Variants in BCL9L observed in about 807,000 individuals in gnomAD.
BCL9L encodes the protein BCL9 like, also known as B-cell CLL/lymphoma 9-like protein.
Under a neutral mutation model 99.4 loss-of-function variants are expected in BCL9L, and 19 were observed. The observed-to-expected ratio is 0.19, with a 90% CI of 0.13 to 0.28. The LOEUF (loss-of-function observed/expected upper bound fraction) is 0.28, where lower values mean the gene tolerates loss of function less well. BCL9L is among the 10% of genes least tolerant of loss of function. The probability of loss-of-function intolerance (pLI) is 1.00; values close to 1 mark genes in which losing one functional copy is unlikely to be tolerated. For missense variants in BCL9L, 2,023 were observed against 2,101.6 expected, an observed-to-expected ratio of 0.96 and a Z score of 0.73; for synonymous variants, 900 against 854.8, an observed-to-expected ratio of 1.05 and a Z score of -0.92.
intron 4 of BCL9L, among the ~76,000 whole-genome samples, chr11:118,907,983 C>T (rs551909103): frequency 6.6e-6 from 1 of 152,204 alleles, no homozygotes; most frequent in Non-Finnish European, 1.5e-5. Flanking sequence ...CTGCTCCTCA[C>T]TCCATGGCAC....
At chr11:118,912,583 G>C (rs2134428579) in intron 2 of BCL9L, among the ~76,000 whole-genome samples, 1 of 152,252 alleles carries the variant, frequency 6.6e-6, no homozygotes, top group Non-Finnish European at 1.5e-5. Context: ...GCTGAGGAAG[G>C]CTCAGATGCC....
At chr11:118,908,202 T>A in intron 4 of BCL9L, 68 bp downstream of exon 4, 1 of 1,501,114 alleles carries the variant, frequency 6.7e-7, no homozygotes, top group Non-Finnish European at 8.9e-7. Flanking sequence ...AGAGAGGTGA[T>A]CTCCCAGAAC....
chr11:118,918,320 T>C (rs1481565246), intron 2 of BCL9L, among the ~76,000 whole-genome samples: 1 of 152,048 alleles, frequency 6.6e-6, no homozygotes, highest in Non-Finnish European at 1.5e-5. Flanking sequence ...CACGCACGCA[T>C]GTGTACGCTA....
chr11:118,920,846 A>G (rs1160096161), intron 1 of BCL9L, among the ~76,000 whole-genome samples: 1 of 152,200 alleles, frequency 6.6e-6, no homozygotes, highest in Non-Finnish European at 1.5e-5. Context: ...GCCCCACTCC[A>G]GGAAACTTCC....
chr11:118,919,674 C>T (rs1941088488), intron 1 of BCL9L, among the ~76,000 whole-genome samples: 1 of 152,116 alleles, frequency 6.6e-6, no homozygotes, highest in Admixed American at 6.5e-5. Context: ...CCAGACTTAA[C>T]CCTCTCCAGC....
chr11:118,897,917 A>C lies in BCL9L; in HGVS notation c.*498T>G. On this transcript the variant is annotated 3_prime_UTR_variant, in exon 10 of 10. Transcript: ENST00000683865. Reference sequence around the variant, plus strand: ...AGAGGGGTCAGCCACATCAGCAGGGAAAGGATACGAAGCAGGTAAAGACAG... The same window carrying C: ...AGAGGGGTCAGCCACATCAGCAGGGCAAGGATACGAAGCAGGTAAAGACAG... 1 of 452,578 alleles carries C rather than the reference A, an allele frequency of 2.2e-6. No homozygotes were observed. The highest frequency in any genetic ancestry group is 4.4e-6 in the Non-Finnish European group (1 of 226,794). The allele number at this position is 452,578 out of a possible 1,614,324, so 28.0% of individuals were successfully genotyped here. A position where few individuals can be genotyped will look rare whatever the true frequency, so the allele number is the denominator to read the frequency against.
In BCL9L at chr11:118,908,681, A is replaced by G. The variant is rs771669116; in HGVS notation, c.27-26T>C. On this transcript the variant is annotated intron_variant, in intron 3 of 9. Transcript: ENST00000683865. Reference sequence around the variant, plus strand: ...CTGGGAGGAGGTGGGAGAAATGTGAAAAGTTAACCTTGCTAGGGGCTAGGC... The same window carrying G: ...CTGGGAGGAGGTGGGAGAAATGTGAGAAGTTAACCTTGCTAGGGGCTAGGC... 3 of 1,587,136 alleles carry G rather than the reference A, an allele frequency of 1.9e-6. No homozygotes were observed. The South Asian group carries it at 3.4e-5, about 18-fold the overall frequency.
At chr11:118,915,796 T>C (rs1231896709) in intron 2 of BCL9L, among the ~76,000 whole-genome samples, 1 of 152,168 alleles carries the variant, frequency 6.6e-6, no homozygotes, top group Non-Finnish European at 1.5e-5. Flanking sequence ...AGGAAGGGTC[T>C]GGGAGAGAAA....
At position 118,898,674 on chromosome 11, in the gene BCL9L, T is replaced by C. The variant is rs371667813; in HGVS notation, c.4241A>G (p.His1414Arg). 6 of 1,611,176 alleles carry C rather than the reference T, an allele frequency of 3.7e-6. No individual in the cohort carries two copies. The African/African-American group carries it at 4.0e-5, about 11-fold the overall frequency. ...GVPPQQGMVPHGLHQGVMSPP... is the reference protein window; with the variant it reads ...GVPPQQGMVPRGLHQGVMSPP... ...GGACATGACCCCCTGGTGCAGGCCA[T>C]GGGGCACCATCCCCTGCTGTGGGGG... The change falls in exon 10 of 10, where the codon CAT becomes CGT. Residue 1414 changes from histidine (H) to arginine (R), a missense_variant. His to Arg is a conservative substitution (Grantham distance 29). This residue lies in a region of BCL9L where 902 missense variants were observed against 888.2 expected (regional missense o/e 1.02). Coordinates refer to ENST00000683865, the MANE Select transcript of BCL9L (RefSeq NM_001378213.1).
chr11:118,902,294 C>G lies in BCL9L; in HGVS notation c.1449G>C (p.Pro483=). Residue 483 remains proline, a synonymous_variant, in exon 8 of 10, where the codon CCG becomes CCC. Coordinates refer to ENST00000683865, the MANE Select transcript of BCL9L (RefSeq NM_001378213.1). The surrounding 1 kb of genome is among the most constrained non-coding windows in gnomAD (Gnocchi z 7.8). ...ISQTQSLGGP[P]LEHEVPGHPP... is the part of the protein sequence containing the mutation. ...GGTGCCCAGGCACTTCATGCTCCAG[C>G]GGGGGGCCCCCTAGGCTCTGTGTCT... 1.9e-6 allele frequency: 3 copies of G among 1,556,824 alleles called. No homozygotes were observed. Among genetic ancestry groups the G allele is most frequent in the Non-Finnish European group, 2.6e-6 (3 of 1,147,458 alleles).
chr11:118,898,658 C>T lies in BCL9L; in HGVS notation c.4257G>A (p.Gly1419=). Residue 1419 remains glycine (G), a synonymous_variant, in exon 10 of 10, where the codon GGG becomes GGA. Coordinates refer to ENST00000683865, the MANE Select transcript of BCL9L (RefSeq NM_001378213.1). ...QGMVPHGLHQ[G]VMSPPQGLMT... is the part of the protein sequence containing the mutation. ...TGAGGCCTTGTGGAGGGGACATGAC[C>T]CCCTGGTGCAGGCCATGGGGCACCA... 6.2e-7 allele frequency: 1 copy of T among 1,611,590 alleles called. No individual in the cohort carries two copies. The highest frequency in any genetic ancestry group is 8.5e-7 in the Non-Finnish European group (1 of 1,179,104).
chr11:118,901,345 T>C lies in BCL9L; in HGVS notation c.2398A>G (p.Met800Val). ...PQQQMLMSQK[M>V]RGPGDLMGPQ... ...CCCATCAAGTCCCCAGGGCCCCGCA[T>C]CTTCTGCGACATCAGCATCTGCTGC... Residue 800 changes from methionine (M) to valine (V), a missense_variant, in exon 8 of 10, where the codon ATG becomes GTG. By Grantham distance (21) the Met-to-Val change is conservative. Coordinates refer to ENST00000683865, the MANE Select transcript of BCL9L (RefSeq NM_001378213.1). This position sits in a 1 kb window ranked among gnomAD's most constrained non-coding sequence, Gnocchi z 6.6. 1.9e-6 allele frequency: 3 copies of C among 1,613,758 alleles called. No individual in the cohort carries two copies. Among genetic ancestry groups the C allele is most frequent in the Non-Finnish European group, 2.5e-6 (3 of 1,179,954 alleles).
Position 118,907,574 on chromosome 11 carries a change from A to G in BCL9L, c.441T>C (p.Cys147=). The change falls in exon 5 of 10, where the codon TGT becomes TGC. Residue 147 remains cysteine, a synonymous_variant. Transcript: ENST00000683865. ...KEVAPRSKRR[C]VLERKQPYSG... is the part of the protein sequence containing the mutation. ...TGTACGGCTGCTTCCGCTCCAGCAC[A>G]CAGCGCCGCTTACTCCGCGGCGCCA... The G allele has an allele frequency of 1.9e-6, 3 of 1,613,904 alleles. No homozygotes were observed. The highest frequency in any genetic ancestry group is 2.5e-6 in the Non-Finnish European group (3 of 1,180,020).
intron 3 of BCL9L, 83 bp from the exon 4 acceptor site, chr11:118,908,738 C>T (rs1940645646): frequency 2.4e-6 from 3 of 1,271,168 alleles, no homozygotes; most frequent in Non-Finnish European, 3.2e-6. Context: ...CATCCTGCCT[C>T]CCCTAACAAT....
rs1040741970 is a variant in BCL9L, at chr11:118,897,737, G to A, written c.*678C>T. On this transcript the variant is annotated 3_prime_UTR_variant, in exon 10 of 10. Transcript: ENST00000683865. The stretch of plus-strand genomic sequence containing the variant: ...GGAGGGAGCAATAACTTGAAGAAGG[G>A]GGGAAGGGTTTCTTTTATCCTTTTT... The A allele has an allele frequency of 2.2e-6, 1 of 449,584 alleles. No homozygotes were observed. The highest frequency in any genetic ancestry group is 1.6e-5 in the South Asian group (1 of 63,824). The allele number at this position is 449,584 out of a possible 1,614,324, so 27.8% of individuals were successfully genotyped here. A position where few individuals can be genotyped will look rare whatever the true frequency, so the allele number is the denominator to read the frequency against.
chr11:118,906,442 C>T (rs1940522394), intron 5 of BCL9L, among the ~76,000 whole-genome samples: 1 of 152,146 alleles, frequency 6.6e-6, no homozygotes, highest in African/African-American at 2.4e-5. Flanking sequence ...ACCCTCTACA[C>T]CCCTGTCACA....
Position 118,898,304 on chromosome 11 carries a change from ACCCCCTCCACCCCACCCCG to A in BCL9L, c.*92_*110del. On this transcript the variant is annotated 3_prime_UTR_variant, in exon 10 of 10. Transcript: ENST00000683865. ...CCACTCCCTACACAAGCCCCCTCCC[ACCCCCTCCACCCCACCCCG>A]CGACCCAGGCCATCCCAACATTGAG... 1.6e-5 allele frequency: 3 copies of A among 193,448 alleles called. No individual in the cohort carries two copies. Among genetic ancestry groups the A allele is most frequent in the East Asian group, 1.7e-4 (1 of 5,918 alleles). The allele number at this position is 193,448 out of a possible 1,614,324, so 12.0% of individuals were successfully genotyped here.
At chr11:118,910,458 G>A (rs1026900851) in intron 2 of BCL9L, 1 of 159,552 alleles carries the variant, frequency 6.3e-6, no homozygotes, top group Non-Finnish European at 1.4e-5. Context: ...TCCCCAGCTC[G>A]AGGCCTAGCC....
In BCL9L at chr11:118,901,377, G is replaced by T; in HGVS notation, c.2366C>A (p.Thr789Asn). 1 of 1,613,904 alleles carries T rather than the reference G, an allele frequency of 6.2e-7. No homozygotes were observed. The highest frequency in any genetic ancestry group is 1.1e-5 in the South Asian group (1 of 91,088). The part of the protein sequence containing the change: ...NMNMNLNVQM[T>N]PQQQMLMSQK... ...CGACATCAGCATCTGCTGCTGCGGG[G>T]TCATCTGCACGTTCAGGTTCATGTT... The change falls in exon 8 of 10, where the codon ACC becomes AAC. Residue 789 changes from threonine to asparagine, a missense_variant. This residue lies in a region of BCL9L where 1,116 missense variants were observed against 1,194.6 expected (regional missense o/e 0.93). Coordinates refer to ENST00000683865, the MANE Select transcript of BCL9L (RefSeq NM_001378213.1). This position sits in a 1 kb window ranked among gnomAD's most constrained non-coding sequence, Gnocchi z 6.6.
Sources: gnomAD v4.1 joint callset for allele counts (sites outside exome capture counted in the v4.1 genomes callset) on GRCh38, gnomAD v4.1.1 for gene constraint, gnomAD v4.1.1 regional missense constraint, Gnocchi (gnomAD v3.1) non-coding constraint, MANE v1.5 for transcripts, NCBI Gene and HGNC (gene_info 2026-07-23, HGNC 2026-07-21) for gene names.